GIMAP8: variants seen among roughly 807,000 people sequenced by gnomAD.
GIMAP8 encodes the protein GTPase, IMAP family member 8, also known as GTPase IMAP family member 8.
A neutral mutation model predicts 35.6 loss-of-function variants in GIMAP8; 29 were observed. The observed-to-expected ratio is 0.81, with a 90% CI of 0.61 to 1.11. The LOEUF is 1.11. Ranked by LOEUF, GIMAP8 falls within the 50% of genes most tolerant of loss-of-function variation. The pLI is 0.00. For missense variants in GIMAP8, 811 were observed against 805.0 expected (o/e 1.01, Z -0.09); for synonymous variants, 335 against 308.7 (o/e 1.09, Z -0.89).
At chr7:150,465,650 T>C (rs73726135) in intron 1 of GIMAP8, among the ~76,000 whole-genome samples, 3,158 of 152,172 alleles carry the variant, frequency 0.021, 129 homozygotes, top group African/African-American at 0.073. Context: ...GCATACAGTG[T>C]GTTGAGGAGA....
intron 2 of GIMAP8, 78 bp from the exon 3 acceptor site, chr7:150,470,746 CTTTTT>C (rs765100972): frequency 3.9e-4 from 184 of 467,400 alleles, no homozygotes; most frequent in Non-Finnish European, 4.1e-4. Flanking sequence ...CTTCAATTTC[CTTTTT>C]TTTTTTTTTT....
At chr7:150,467,396 G>A (rs1444788134) in intron 2 of GIMAP8, 62 bp downstream of exon 2, 1 of 1,325,334 alleles carries the variant, frequency 7.5e-7, no homozygotes, top group African/African-American at 1.5e-5. Context: ...GATGAAAGTG[G>A]GTATAAATAA....
chr7:150,475,098 C>G (rs1411013583), intron 4 of GIMAP8, among the ~76,000 whole-genome samples: 3 of 152,122 alleles, frequency 2.0e-5, no homozygotes, highest in African/African-American at 7.2e-5. Flanking sequence ...TGTATATGTG[C>G]CACATTTTCT....
At position 150,474,265 on chromosome 7, in the gene GIMAP8, T is replaced by C; in HGVS notation, c.936T>C (p.Ile312=). ...DAPDISSLKN[I]DSEVRKHICT... is the part of the protein sequence containing the mutation. The stretch of plus-strand genomic sequence containing the variant: ...CGGACATCTCATCTTTAAAGAACAT[T>C]GACTCAGAAGTTAGAAAACACATCT... The change falls in exon 4 of 5, where the codon ATT becomes ATC. Residue 312 remains isoleucine (I), a synonymous_variant. Coordinates refer to ENST00000307271, the MANE Select transcript of GIMAP8 (RefSeq NM_175571.4). The C allele has an allele frequency of 6.2e-7, 1 of 1,614,152 alleles. No individual in the cohort carries two copies. The highest frequency in any genetic ancestry group is 8.5e-7 in the Non-Finnish European group (1 of 1,180,004).
intron 4 of GIMAP8, among the ~76,000 whole-genome samples, chr7:150,474,889 A>G (rs1047427375): frequency 7.1e-6 from 1 of 140,958 alleles, no homozygotes; most frequent in Non-Finnish European, 1.5e-5. Context: ...CCCACCCCAC[A>G]ACAGTCCCCA....
intron 2 of GIMAP8, among the ~76,000 whole-genome samples, chr7:150,467,853 ACT>A (rs1194612510): frequency 6.6e-6 from 1 of 152,056 alleles, no homozygotes; most frequent in Non-Finnish European, 1.5e-5. Flanking sequence ...ATGAGTAGTA[ACT>A]CTAGTCCAAA....
chr7:150,460,674 T>C (rs924672193), intron 1 of GIMAP8, among the ~76,000 whole-genome samples: 2 of 152,206 alleles, frequency 1.3e-5, no homozygotes, highest in African/African-American at 4.8e-5. Flanking sequence ...CCTCTGTCAA[T>C]TCATTGTAGG....
intron 1 of GIMAP8, among the ~76,000 whole-genome samples, chr7:150,462,416 A>G (rs780693380): frequency 6.6e-6 from 1 of 152,114 alleles, no homozygotes; most frequent in Non-Finnish European, 1.5e-5. Context: ...TCTCATTTGT[A>G]TATCTGCTCT....
At chr7:150,452,229 T>G (rs1056655998) in intron 1 of GIMAP8, among the ~76,000 whole-genome samples, 3 of 152,130 alleles carry the variant, frequency 2.0e-5, no homozygotes, top group African/African-American at 4.8e-5. Flanking sequence ...GGTACCTTTT[T>G]GTCCTTAAGT....
At chr7:150,458,186 T>C (rs1469912439) in intron 1 of GIMAP8, among the ~76,000 whole-genome samples, 2 of 152,130 alleles carry the variant, frequency 1.3e-5, no homozygotes, top group Non-Finnish European at 2.9e-5. Context: ...TTTGAGGAAT[T>C]GGCCTTCATG....
At chr7:150,461,876 G>A (rs1303139143) in intron 1 of GIMAP8, among the ~76,000 whole-genome samples, 1 of 152,214 alleles carries the variant, frequency 6.6e-6, no homozygotes, top group African/African-American at 2.4e-5. Context: ...ATGTCCATGT[G>A]TAGAGAGTCC....
At chr7:150,464,547 G>A (rs953180457) in intron 1 of GIMAP8, among the ~76,000 whole-genome samples, 2 of 152,112 alleles carry the variant, frequency 1.3e-5, no homozygotes, top group African/African-American at 4.8e-5. Flanking sequence ...AGTTGGGCAT[G>A]GTGGTGTGTG....
chr7:150,477,013 T>G (rs1198488684), intron 4 of GIMAP8, 79 bp from the exon 5 acceptor site: 5 of 1,122,038 alleles, frequency 4.5e-6, no homozygotes, highest in Non-Finnish European at 6.6e-6. Context: ...AGTGATGTAA[T>G]CTTGCTTCAT....
chr7:150,468,733 G>T (rs893111085), intron 2 of GIMAP8, among the ~76,000 whole-genome samples: 15 of 152,208 alleles, frequency 9.9e-5, no homozygotes, highest in African/African-American at 3.4e-4. Flanking sequence ...GTCAGAGAGA[G>T]ACTGCTCAGA....
In GIMAP8 at chr7:150,478,284, CT is replaced by C. The variant is rs1802287782; in HGVS notation, c.*505del. ...AGGGCCGTTGGCTCCCTGAGCTCTC[CT>C]GTCTCCTTTGGGATGCGACTTAGGG... On this transcript the variant is annotated 3_prime_UTR_variant, in exon 5 of 5. Transcript: ENST00000307271. 6.3e-6 allele frequency: 1 copy of C among 159,852 alleles called. No homozygotes were observed. Among genetic ancestry groups the C allele is most frequent in the Non-Finnish European group, 1.4e-5 (1 of 72,248 alleles). The allele number at this position is 159,852 out of a possible 1,614,324, so 9.9% of individuals were successfully genotyped here. A position where few individuals can be genotyped will look rare whatever the true frequency, so the allele number is the denominator to read the frequency against.
chr7:150,475,616 G>T (rs1028262456), intron 4 of GIMAP8, among the ~76,000 whole-genome samples: 1 of 152,118 alleles, frequency 6.6e-6, no homozygotes, highest in African/African-American at 2.4e-5. Flanking sequence ...CTATGCTGAG[G>T]TCCTTCCCAT....
chr7:150,467,306 A>G lies in GIMAP8; in HGVS notation c.608A>G (p.Asn203Ser). The G allele has an allele frequency of 6.2e-7, 1 of 1,611,968 alleles. No individual in the cohort carries two copies. The highest frequency in any genetic ancestry group is 8.5e-7 in the Non-Finnish European group (1 of 1,178,260). The change falls in exon 2 of 5, where the codon AAC (asparagine) becomes AGC (serine). Residue 203 changes from asparagine to serine, a missense_variant. Transcript: ENST00000307271. The part of the protein sequence containing the change: ...VNTNGGPYHV[N>S]FKTEGSRFQD... ...ACGAACGGAGGACCCTATCATGTGA[A>G]CTTCAAAACTGAAGGCAGCAGGTTT...
chr7:150,452,709 T>TATATATATATAC (rs1373884339), intron 1 of GIMAP8, among the ~76,000 whole-genome samples: 1,277 of 106,140 alleles, frequency 0.012, 17 homozygotes, highest in East Asian at 0.037. Flanking sequence ...TATATATATA[T>TATATATATATAC]ACATGCGAGT....
rs1308530398 is a variant in GIMAP8, at chr7:150,451,548, G to A, written c.-29+373G>A. Among the ~76,000 whole-genome samples the A allele has an allele frequency of 1.3e-5, 2 of 152,158 alleles. No individual in the cohort carries two copies. Among genetic ancestry groups the A allele is most frequent in the Non-Finnish European group, 2.9e-5 (2 of 68,010 alleles). ...TGGCTGTCCTAAAAGAAGGCGTGTC[G>A]GGGAGTGGGTGTGAGCCCTGAAGAG... On this transcript the variant is annotated intron_variant, in intron 1 of 4. Transcript: ENST00000307271. The surrounding 1 kb of genome is among the most constrained non-coding windows in gnomAD (Gnocchi z 4.1).
Sources: allele counts gnomAD v4.1 joint callset (sites outside exome capture counted in the v4.1 genomes callset), GRCh38; gene constraint gnomAD v4.1.1; non-coding constraint Gnocchi (gnomAD v3.1); transcripts MANE v1.5; gene names NCBI Gene and HGNC (gene_info 2026-07-23, HGNC 2026-07-21).